SPAST: variants seen among roughly 807,000 people sequenced by gnomAD.
The protein encoded by SPAST is spastic paraplegia 4 (autosomal dominant; spastin).
Under a neutral mutation model 76.6 loss-of-function variants are expected in SPAST, and 30 were observed. The observed-to-expected ratio is 0.39, with a 90% confidence interval of 0.29 to 0.53. The LOEUF is 0.53. Among genes scored for constraint, SPAST ranks in the 20% least tolerant of loss-of-function variants. The pLI, the probability that SPAST is intolerant of heterozygous loss-of-function variation, is 0.68. For missense variants in SPAST, 717 were observed against 770.5 expected, an observed-to-expected ratio of 0.93 and a Z score of 0.82; for synonymous variants, 305 against 281.0, an observed-to-expected ratio of 1.09 and a Z score of -0.86.
chr2:32,066,974 AAAAAAAAAAAAAAAAAAACC>A (rs1676540365), intron 1 of SPAST, among the ~76,000 whole-genome samples: 1 of 114,080 alleles, frequency 8.8e-6, no homozygotes, highest in Non-Finnish European at 1.9e-5. Context: ...AACTGTCTCA[AAAAAAAAAAAAAAAAAAACC>A]AAAAAAAAAA....
At chr2:32,065,970 A>ATTTTTTTT (rs1337974461) in intron 1 of SPAST, 1 of 147,184 alleles carries the variant, frequency 6.8e-6, no homozygotes, top group African/African-American at 2.5e-5. Flanking sequence ...TAACTGCTCC[A>ATTTTTTTT]TTCTTTTTTT....
chr2:32,136,832 A>T, intron 10 of SPAST, 45 bp from the exon 11 acceptor site: 1 of 1,474,192 alleles, frequency 6.8e-7, no homozygotes, highest in Non-Finnish European at 9.5e-7. Flanking sequence ...GATGACTCAC[A>T]TAGCTTGGTC....
At chr2:32,146,603 A>G (rs879348437) in intron 15 of SPAST, among the ~76,000 whole-genome samples, 3 of 151,920 alleles carry the variant, frequency 2.0e-5, no homozygotes, top group Non-Finnish European at 2.9e-5. Flanking sequence ...ACGGTGGCTC[A>G]CGCCTGTAAT....
intron 1 of SPAST, among the ~76,000 whole-genome samples, chr2:32,085,060 A>G (rs1677417301): frequency 1.3e-5 from 2 of 152,028 alleles, no homozygotes; most frequent in Non-Finnish European, 2.9e-5. Flanking sequence ...CTATTACACT[A>G]TTTTCTATAA....
intron 15 of SPAST, among the ~76,000 whole-genome samples, chr2:32,146,027 G>A (rs935713337): frequency 3.3e-5 from 5 of 152,124 alleles, no homozygotes; most frequent in Admixed American, 6.5e-5. Flanking sequence ...AACACCTCCC[G>A]TAGTGAAATA....
chr2:32,085,039 G>A (rs1245384052), intron 1 of SPAST, among the ~76,000 whole-genome samples: 1 of 151,716 alleles, frequency 6.6e-6, no homozygotes, highest in Admixed American at 6.6e-5. Flanking sequence ...TTGCCACTCA[G>A]AATACAAGTG....
intron 4 of SPAST, among the ~76,000 whole-genome samples, chr2:32,101,433 G>GT (rs1222693974): frequency 2.0e-5 from 3 of 151,922 alleles, no homozygotes; most frequent in Admixed American, 6.6e-5. Context: ...TCTGATGGTA[G>GT]TTTCTTTTGC....
chr2:32,074,049 A>G (rs1676855709), intron 1 of SPAST, among the ~76,000 whole-genome samples: 1 of 152,160 alleles, frequency 6.6e-6, no homozygotes, highest in Admixed American at 6.5e-5. Flanking sequence ...GAACACACAT[A>G]TGTAATAACC....
Position 32,127,083 on chromosome 2 carries a change from G to T in SPAST, c.1173+61G>T, listed in dbSNP as rs1208532766. ...GATATTTGGGATAATATGAAAAAAA[G>T]AAACTTTATCTTGTCCTTGAGTCTA... On this transcript the variant is annotated intron_variant, in intron 8 of 16. Coordinates refer to ENST00000315285, the MANE Select transcript of SPAST (RefSeq NM_014946.4). The T allele has an allele frequency of 4.4e-6, 5 of 1,137,420 alleles. No individual in the cohort carries two copies. In the African/African-American group the frequency reaches 7.6e-5, roughly 17 times the overall value. The allele number at this position is 1,137,420 out of a possible 1,614,324, so 70.5% of individuals were successfully genotyped here.
intron 14 of SPAST, 84 bp from the exon 15 acceptor site, chr2:32,144,853 C>G: frequency 2.3e-6 from 2 of 870,168 alleles, no homozygotes; most frequent in Non-Finnish European, 3.8e-6. Flanking sequence ...CATTGCACTC[C>G]AGCCTGGGCA....
chr2:32,089,218 T>TTTTTTTTTTTTTTTTC (rs375850129), intron 2 of SPAST, among the ~76,000 whole-genome samples: 9 of 129,972 alleles, frequency 6.9e-5, no homozygotes, highest in Non-Finnish European at 8.1e-5. Context: ...TTTTTTTTTT[T>TTTTTTTTTTTTTTTTC]AAGTAGAGAC....
rs765400114 is a variant in SPAST, at chr2:32,064,152, G to C, written c.321G>C (p.Pro107=). The change falls in exon 1 of 17, where the codon CCG becomes CCC. Residue 107 remains proline (P), a synonymous_variant. Transcript: ENST00000315285. ...CTGCCTCGGCCTCGGCCCCGGCGCC[G>C]GTGCCGGGCGGCGAGGCCGAGCGCG... ...PAPASASAPA[P]VPGGEAERVR... 1.3e-6 allele frequency: 2 copies of C among 1,556,384 alleles called. No homozygotes were observed. Among genetic ancestry groups the C allele is most frequent in the Admixed American group, 2.0e-5 (1 of 51,108 alleles).
intron 4 of SPAST, among the ~76,000 whole-genome samples, chr2:32,110,135 T>G (rs1295418610): frequency 6.7e-6 from 1 of 148,570 alleles, no homozygotes; most frequent in African/African-American, 2.5e-5. Flanking sequence ...TGTTTTTTTT[T>G]GGAGATGGAG....
chr2:32,070,159 G>T (rs935058601), intron 1 of SPAST, among the ~76,000 whole-genome samples: 6 of 150,958 alleles, frequency 4.0e-5, no homozygotes, highest in African/African-American at 1.5e-4. Context: ...TCCACCTCCC[G>T]GGTTCAAGCG....
At chr2:32,144,007 A>G (rs1294800194) in intron 14 of SPAST, among the ~76,000 whole-genome samples, 1 of 152,218 alleles carries the variant, frequency 6.6e-6, no homozygotes, top group Non-Finnish European at 1.5e-5. Flanking sequence ...AATTTCAGCT[A>G]TTTGAATAAT....
intron 16 of SPAST, among the ~76,000 whole-genome samples, chr2:32,149,654 CTT>C (rs1455605852): frequency 1.3e-5 from 2 of 152,062 alleles, no homozygotes; most frequent in Admixed American, 1.3e-4. Flanking sequence ...GACTTTTATT[CTT>C]GTTATTATTC....
intron 4 of SPAST, among the ~76,000 whole-genome samples, chr2:32,108,286 T>G (rs1255996687): frequency 1.3e-5 from 2 of 152,160 alleles, no homozygotes; most frequent in Non-Finnish European, 2.9e-5. Context: ...AGATTAGAGA[T>G]AGCAAAAGAA....
At chr2:32,090,419 TCC>T (rs1317353240) in intron 3 of SPAST, among the ~76,000 whole-genome samples, 2 of 152,214 alleles carry the variant, frequency 1.3e-5, no homozygotes. Context: ...TGACTTATTT[TCC>T]ATTTATAAAT....
intron 1 of SPAST, among the ~76,000 whole-genome samples, chr2:32,086,008 C>T (rs1436339419): frequency 1.3e-5 from 2 of 151,682 alleles, no homozygotes; most frequent in Non-Finnish European, 2.9e-5. Context: ...TGCCACTGCA[C>T]TGCAGCCTGG....
Sources: gnomAD v4.1 joint callset for allele counts (sites outside exome capture counted in the v4.1 genomes callset) on GRCh38, gnomAD v4.1.1 for gene constraint, MANE v1.5 for transcripts, NCBI Gene and HGNC (gene_info 2026-07-23, HGNC 2026-07-21) for gene names.